BMAL2: variants seen among roughly 807,000 people sequenced by gnomAD.
BMAL2 encodes the protein basic helix-loop-helix ARNT-like protein 2.
chr12:27,389,410 G>T, the BMAL2 span: 1 of 668,684 alleles, frequency 1.5e-6, no homozygotes, highest in Non-Finnish European at 2.5e-6. Flanking sequence ...AGAGAGAATT[G>T]TTTTGTAAAC....
At chr12:27,387,478 G>T in the BMAL2 span, among the ~76,000 whole-genome samples, 2 of 152,218 alleles carry the variant, frequency 1.3e-5, no homozygotes, top group Non-Finnish European at 1.5e-5. Context: ...TGTGGAAAGA[G>T]TAAGGATCTT....
the BMAL2 span, among the ~76,000 whole-genome samples, chr12:27,366,772 G>T: frequency 6.6e-6 from 1 of 152,154 alleles, no homozygotes; most frequent in African/African-American, 2.4e-5. Context: ...ATTTGTACTG[G>T]CAAATAAAAT....
chr12:27,360,924 A>G, the BMAL2 span, among the ~76,000 whole-genome samples: 1 of 151,970 alleles, frequency 6.6e-6, no homozygotes, highest in Non-Finnish European at 1.5e-5. Context: ...TTTCTCAAGG[A>G]AGTAATTTAA....
the BMAL2 span, chr12:27,422,584 C>T: frequency 5.3e-5 from 8 of 152,090 alleles, no homozygotes; most frequent in East Asian, 1.9e-4. Context: ...ATTCCTGGTC[C>T]GACACTTGAG....
chr12:27,350,328 G>A, the BMAL2 span, among the ~76,000 whole-genome samples: 1 of 152,222 alleles, frequency 6.6e-6, no homozygotes, highest in Admixed American at 6.5e-5. Flanking sequence ...AAAGGGAATC[G>A]TCTGTAGGCA....
chr12:27,333,973 T>G, the BMAL2 span, among the ~76,000 whole-genome samples: 1 of 152,178 alleles, frequency 6.6e-6, no homozygotes, highest in African/African-American at 2.4e-5. Flanking sequence ...AAAACAGAAA[T>G]AACTGAAGGA....
the BMAL2 span, chr12:27,368,273 A>G: frequency 1.2e-6 from 2 of 1,614,168 alleles, no homozygotes; most frequent in South Asian, 2.2e-5. Context: ...TAAAGTGTTG[A>G]GAGAGGAGAA....
chr12:27,410,343 G>C, the BMAL2 span, among the ~76,000 whole-genome samples: 6 of 152,144 alleles, frequency 3.9e-5, no homozygotes, highest in African/African-American at 7.2e-5. Context: ...TGGGAACCAA[G>C]CCAAATGTCC....
chr12:27,402,800 T>C, the BMAL2 span: 1 of 885,152 alleles, frequency 1.1e-6, no homozygotes. Context: ...TTCTGCAGGT[T>C]GGGTTATAGG....
chr12:27,348,367 A>G, the BMAL2 span, among the ~76,000 whole-genome samples: 9 of 152,138 alleles, frequency 5.9e-5, no homozygotes, highest in Admixed American at 5.9e-4. Flanking sequence ...CTTAGGGAGG[A>G]GATAGATATA....
At chr12:27,381,935 C>G in the BMAL2 span, among the ~76,000 whole-genome samples, 2 of 152,084 alleles carry the variant, frequency 1.3e-5, no homozygotes, top group Non-Finnish European at 2.9e-5. Context: ...GTTTAGATCT[C>G]AAACACTGCC....
chr12:27,402,065 T>C, the BMAL2 span, among the ~76,000 whole-genome samples: 6 of 152,340 alleles, frequency 3.9e-5, 1 homozygote, highest in Admixed American at 3.9e-4. Flanking sequence ...CCGCCATGTC[T>C]GTGTAGGCAT....
chr12:27,364,688 CA>C, the BMAL2 span, among the ~76,000 whole-genome samples: 1 of 152,052 alleles, frequency 6.6e-6, no homozygotes, highest in South Asian at 2.1e-4. Context: ...AAGCTTCCAC[CA>C]AAAAATTATG....
At chr12:27,381,612 G>A in the BMAL2 span, among the ~76,000 whole-genome samples, 2 of 152,130 alleles carry the variant, frequency 1.3e-5, no homozygotes, top group African/African-American at 4.8e-5. Context: ...CCCACCTCCA[G>A]CACTGGGGAT....
At chr12:27,353,679 A>G in the BMAL2 span, among the ~76,000 whole-genome samples, 8 of 152,236 alleles carry the variant, frequency 5.3e-5, no homozygotes, top group Non-Finnish European at 8.8e-5. Context: ...TGCATCTAAA[A>G]AAGGTCAAAT....
At chr12:27,349,254 A>C in the BMAL2 span, among the ~76,000 whole-genome samples, 2 of 152,206 alleles carry the variant, frequency 1.3e-5, no homozygotes, top group South Asian at 4.1e-4. Context: ...GGTTTAAAGC[A>C]ATAGAACAAA....
At chr12:27,376,837 A>G in the BMAL2 span, among the ~76,000 whole-genome samples, 1 of 151,826 alleles carries the variant, frequency 6.6e-6, no homozygotes, top group African/African-American at 2.4e-5. Flanking sequence ...CGTCTCTACT[A>G]AAAATACAAA....
At chr12:27,420,477 C>G in the BMAL2 span, 1 of 1,613,636 alleles carries the variant, frequency 6.2e-7, no homozygotes, top group African/African-American at 1.3e-5. Flanking sequence ...TACTTAGAAG[C>G]AGAGGGGGGC....
chr12:27,346,871 T>C, the BMAL2 span, among the ~76,000 whole-genome samples: 1 of 152,162 alleles, frequency 6.6e-6, no homozygotes, highest in Non-Finnish European at 1.5e-5. Context: ...CCTTCATGAA[T>C]AGGTTAACGT....
Sources: allele counts gnomAD v4.1 joint callset (sites outside exome capture counted in the v4.1 genomes callset), GRCh38; gene constraint gnomAD v4.1.1; transcripts MANE v1.5; gene names NCBI Gene and HGNC (gene_info 2026-07-23, HGNC 2026-07-21).